Variants in CGNL1 observed in about 807,000 individuals in gnomAD.
CGNL1 encodes cingulin like 1, also known as cingulin-like protein 1.
A neutral mutation model predicts 141.2 loss-of-function variants in CGNL1; 132 were observed. That is an observed-to-expected ratio of 0.93 (90% CI 0.81 to 1.08). The LOEUF (loss-of-function observed/expected upper bound fraction) is 1.08, where lower values mean the gene tolerates loss of function less well. Among genes scored for constraint, CGNL1 ranks in the 50% least tolerant of loss-of-function variants. The pLI, the probability that CGNL1 is intolerant of heterozygous loss-of-function variation, is 0.00. For missense variants in CGNL1, 1,870 were observed against 1,588.6 expected (o/e 1.18, Z -3.01); for synonymous variants, 690 against 622.1 (o/e 1.11, Z -1.63).
At position 57,546,178 on chromosome 15, in the gene CGNL1, G is replaced by A; in HGVS notation, c.3712G>A (p.Glu1238Lys). The A allele has an allele frequency of 6.2e-7, 1 of 1,609,916 alleles. No individual in the cohort carries two copies. The highest frequency in any genetic ancestry group is 8.5e-7 in the Non-Finnish European group (1 of 1,178,086). Residue 1238 changes from glutamate to lysine, a missense_variant, in exon 18 of 19, where the codon GAG becomes AAG. By Grantham distance (56) the Glu-to-Lys change is moderately conservative (BLOSUM62 1). Transcript: ENST00000281282. ...AAAGAAGCTGCAGAGGGAGCTGGAG[G>A]AGCAGATGGACATGAATGAGCATCT... Reference protein sequence around the residue: ...SKKKLQRELEEQMDMNEHLQG... With the variant: ...SKKKLQRELEKQMDMNEHLQG...
intron 8 of CGNL1, among the ~76,000 whole-genome samples, chr15:57,482,116 GT>G (rs138456825): frequency 0.18 from 27,044 of 148,088 alleles, 2,452 homozygotes; most frequent in Admixed American, 0.22. Flanking sequence ...TTTGGGGTTT[GT>G]TTTTTTTTTA....
chr15:57,442,182 G>GAAAAAAAAAAAAAAAAAAAAAAAAAA (rs61564944), intron 3 of CGNL1, among the ~76,000 whole-genome samples, 191 bp from the exon 4 acceptor site: 10 of 96,510 alleles, frequency 1.0e-4, no homozygotes, highest in African/African-American at 2.6e-4. Flanking sequence ...TCATTTATTT[G>GAAAAAAAAAAAAAAAAAAAAAAAAAA]AAAAAAAAAA....
chr15:57,479,219 A>G (rs538337504), intron 8 of CGNL1, among the ~76,000 whole-genome samples: 7 of 152,260 alleles, frequency 4.6e-5, no homozygotes, highest in Admixed American at 3.9e-4. Context: ...ACTTTTGGAG[A>G]AGGCAGTTGG....
chr15:57,512,961 A>T (rs920477222), intron 8 of CGNL1, among the ~76,000 whole-genome samples: 1 of 150,606 alleles, frequency 6.6e-6, no homozygotes, highest in Non-Finnish European at 1.5e-5. Flanking sequence ...TTTTTTTTTT[A>T]AACAGCTGTA....
chr15:57,545,842 C>T, intron 17 of CGNL1, 142 bp downstream of exon 17: 1 of 776,604 alleles, frequency 1.3e-6, no homozygotes, highest in East Asian at 2.7e-5. Flanking sequence ...GTCACATCAT[C>T]AAATGGGGGC....
At chr15:57,545,899 G>T (rs578010372) in intron 17 of CGNL1, among the ~76,000 whole-genome samples, 177 bp from the exon 18 acceptor site, 1 of 152,334 alleles carries the variant, frequency 6.6e-6, no homozygotes, top group Non-Finnish European at 1.5e-5. Flanking sequence ...TACACCCTGA[G>T]TTTGGCTTTA....
chr15:57,438,709 T>C lies in CGNL1; in HGVS notation c.710T>C (p.Val237Ala), dbSNP rs768502999. ...AAGCAGACCTCAGTGTGTGTAAACG[T>C]TCAGAGCTGCACCAAGGAGAGGGTG... ...PKKQTSVCVN[V>A]QSCTKERVGE... is the part of the protein sequence containing the mutation. The change falls in exon 2 of 19, where the codon GTT becomes GCT. Residue 237 changes from valine to alanine, a missense_variant. Physicochemically the swap from Val to Ala is moderately conservative, Grantham distance 64. Transcript: ENST00000281282. 1 of 1,614,096 alleles carries C rather than the reference T, an allele frequency of 6.2e-7. No individual in the cohort carries two copies. Among genetic ancestry groups the C allele is most frequent in the Non-Finnish European group, 8.5e-7 (1 of 1,180,012 alleles).
At chr15:57,488,244 G>C (rs1275011379) in intron 8 of CGNL1, among the ~76,000 whole-genome samples, 1 of 151,834 alleles carries the variant, frequency 6.6e-6, no homozygotes, top group Non-Finnish European at 1.5e-5. Context: ...TTTTAAAATT[G>C]GGTTGTCTTT....
In CGNL1 at chr15:57,452,186, C is replaced by G; in HGVS notation, c.1951C>G (p.Leu651Val). The change falls in exon 6 of 19, where the codon CTA (leucine) becomes GTA (valine). Residue 651 changes from leucine to valine, a missense_variant. Coordinates refer to ENST00000281282, the MANE Select transcript of CGNL1 (RefSeq NM_032866.5). ...AGAGAGAGAGAGGATGAGAGCAAAC[C>G]TAGAAGAGCTCCGAAGCCAACACAA... ...KEERERMRANLEELRSQHNEK... is the reference protein window; with the variant it reads ...KEERERMRANVEELRSQHNEK... The G allele has an allele frequency of 6.2e-7, 1 of 1,613,884 alleles. No homozygotes were observed. Among genetic ancestry groups the G allele is most frequent in the South Asian group, 1.1e-5 (1 of 91,056 alleles).
intron 8 of CGNL1, among the ~76,000 whole-genome samples, chr15:57,502,049 G>A (rs2064032537): frequency 6.6e-6 from 1 of 152,230 alleles, no homozygotes; most frequent in South Asian, 2.1e-4. Flanking sequence ...TAATCAGGAT[G>A]CTGATAGGCC....
At chr15:57,510,079 T>C (rs1299724280) in intron 8 of CGNL1, among the ~76,000 whole-genome samples, 1 of 152,116 alleles carries the variant, frequency 6.6e-6, no homozygotes, top group Non-Finnish European at 1.5e-5. Flanking sequence ...AGTCTAGGCT[T>C]GATTTTTTTA....
At chr15:57,456,550 C>T (rs1280414) in intron 7 of CGNL1, among the ~76,000 whole-genome samples, 15,564 of 148,586 alleles carry the variant, frequency 0.1, 1,531 homozygotes, top group African/African-American at 0.25. Flanking sequence ...TAGTAGAAAA[C>T]ACTTTCTTAG....
rs1263669567 is a variant in CGNL1, at chr15:57,438,865, A to T, written c.866A>T (p.Asp289Val). The change falls in exon 2 of 19, where the codon GAT (aspartate) becomes GTT (valine). Residue 289 changes from aspartate (D) to valine (V), a missense_variant. By Grantham distance (152) the Asp-to-Val change is radical. Transcript: ENST00000281282. ...CAGGATTCAGCGGGACCCGTCCTGG[A>T]TGGAGCTCGGTCCCGGAGGTCCTCC... ...RRQDSAGPVL[D>V]GARSRRSSSS... 1 of 1,614,188 alleles carries T rather than the reference A, an allele frequency of 6.2e-7. No individual in the cohort carries two copies. The highest frequency in any genetic ancestry group is 8.5e-7 in the Non-Finnish European group (1 of 1,180,032).
At chr15:57,547,256 G>A in intron 18 of CGNL1, 99 bp from the exon 19 acceptor site, 1 of 1,332,888 alleles carries the variant, frequency 7.5e-7, no homozygotes, top group South Asian at 1.4e-5. Context: ...GCCACTCAGT[G>A]GGGTGCAGGG....
intron 1 of CGNL1, among the ~76,000 whole-genome samples, chr15:57,381,211 C>T (rs190680355): frequency 3.3e-5 from 5 of 152,244 alleles, no homozygotes; most frequent in African/African-American, 1.2e-4. Flanking sequence ...TGGCAGTGAC[C>T]TCATTTTACA....
Position 57,517,005 on chromosome 15 carries a change from A to G in CGNL1, c.2610+19A>G. ...GTACGAGGTGAGGCTCGCTGGGCCC[A>G]GGCCCAGCTTTGGCAGCTGCTGCTC... On this transcript the variant is annotated intron_variant, in intron 9 of 18. Coordinates refer to ENST00000281282, the MANE Select transcript of CGNL1 (RefSeq NM_032866.5). 1.1e-5 allele frequency: 18 copies of G among 1,605,648 alleles called. No individual in the cohort carries two copies. The highest frequency in any genetic ancestry group is 1.7e-5 in the Admixed American group (1 of 59,142).
intron 14 of CGNL1, among the ~76,000 whole-genome samples, chr15:57,541,717 CAG>C (rs1186058649): frequency 2.6e-5 from 4 of 152,230 alleles, no homozygotes; most frequent in Admixed American, 2.6e-4. Flanking sequence ...GGTCCAGAGA[CAG>C]AGCCATGAAG....
At chr15:57,414,259 G>A (rs547506453) in intron 1 of CGNL1, among the ~76,000 whole-genome samples, 38 of 152,280 alleles carry the variant, frequency 2.5e-4, no homozygotes, top group Middle Eastern at 3.4e-3. Flanking sequence ...CAGAGGCTCC[G>A]AAGAAGGCAG....
intron 8 of CGNL1, chr15:57,477,493 T>A (rs1455563862): frequency 6.6e-6 from 1 of 152,198 alleles, no homozygotes; most frequent in African/African-American, 2.4e-5. Flanking sequence ...TGGGGAAGTA[T>A]TTTGAGCCAG....
Sources: allele counts gnomAD v4.1 joint callset (sites outside exome capture counted in the v4.1 genomes callset), GRCh38; gene constraint gnomAD v4.1.1; transcripts MANE v1.5; gene names NCBI Gene and HGNC (gene_info 2026-07-23, HGNC 2026-07-21).